The following DAB2IP variants were observed in gnomAD, a reference collection of about 807,000 sequenced individuals.
The protein encoded by DAB2IP is disabled homolog 2-interacting protein.
DAB2IP carries 28 observed loss-of-function variants against 107.2 expected under a neutral mutation model. The ratio of observed to expected loss-of-function variants is 0.26; its 90% CI spans 0.19 to 0.36. The LOEUF (loss-of-function observed/expected upper bound fraction) is 0.36, where lower values mean the gene tolerates loss of function less well. Among genes scored for constraint, DAB2IP ranks in the 10% least tolerant of loss-of-function variants. The probability of loss-of-function intolerance (pLI) is 1.00; values close to 1 mark genes in which losing one functional copy is unlikely to be tolerated. For missense variants in DAB2IP, 1,400 were observed against 1,644.7 expected (o/e 0.85, Z 2.57); for synonymous variants, 755 against 706.4 (o/e 1.07, Z -1.09).
rs1042852327 is a variant in DAB2IP, at chr9:121,640,554, C to A, written c.41-38124C>A. Among the ~76,000 whole-genome samples the A allele has an allele frequency of 5.9e-5, 9 of 152,194 alleles. 1 individual carries two copies. On this transcript the variant is annotated intron_variant, in intron 1 of 16. Coordinates refer to the DAB2IP transcript ENST00000259371. ...GGATTGGGGTGACTTCAGGCCTCCC[C>A]ACCTCCCCCCACACCATGTCCTCTG... is the stretch of plus-strand genomic sequence containing the variant.
chr9:121,774,801 T>C (rs1332193271), intron 13 of DAB2IP, among the ~76,000 whole-genome samples: 1 of 152,040 alleles, frequency 6.6e-6, no homozygotes, highest in Non-Finnish European at 1.5e-5. Context: ...ACTTGGTACC[T>C]GAGGAGGCAG....
At chr9:121,695,392 T>TA in intron 2 of DAB2IP, among the ~76,000 whole-genome samples, 1 of 152,318 alleles carries the variant, frequency 6.6e-6, no homozygotes, top group Non-Finnish European at 1.5e-5. Flanking sequence ...GCTTAATAGT[T>TA]ACTGTCTTTC....
At chr9:121,632,173 C>A (rs74760237) in intron 1 of DAB2IP, among the ~76,000 whole-genome samples, 1 of 152,188 alleles carries the variant, frequency 6.6e-6, no homozygotes, top group Non-Finnish European at 1.5e-5. Context: ...TGCGTGGCCT[C>A]GGGCGTGTTT....
At position 121,701,367 on chromosome 9, in the gene DAB2IP, G is replaced by C. The variant is rs1197582708; in HGVS notation, c.362+1909G>C. 6.6e-6 allele frequency among the ~76,000 whole-genome samples: 1 copy of C among 152,240 alleles called. No homozygotes were observed. The highest frequency in any genetic ancestry group is 1.5e-5 in the Non-Finnish European group (1 of 68,044). ...TGGCCTCAGGTCAGCCTTGCCACAT[G>C]CTGAAGGGGCGCAGAGTGGGGGTTG... On this transcript the variant is annotated intron_variant, in intron 3 of 15. Transcript: ENST00000408936. The surrounding 1 kb of genome is among the most constrained non-coding windows in gnomAD (Gnocchi z 4.7).
At chr9:121,768,834 G>A (rs1412289581) in intron 10 of DAB2IP, among the ~76,000 whole-genome samples, 1 of 152,228 alleles carries the variant, frequency 6.6e-6, no homozygotes, top group Non-Finnish European at 1.5e-5. Flanking sequence ...TATCTGCCAA[G>A]GCTGCCCCAC....
chr9:121,783,465 G>GT (rs1835798664), exon 16 of DAB2IP: 13 of 1,613,392 alleles, frequency 8.1e-6, no homozygotes, highest in African/African-American at 4.0e-5. Flanking sequence ...CTGAGTGATG[G>GT]TTTAAAAAAA....
chr9:121,575,644 C>T (rs1830040378), intron 1 of DAB2IP, among the ~76,000 whole-genome samples: 1 of 152,124 alleles, frequency 6.6e-6, no homozygotes, highest in African/African-American at 2.4e-5. Context: ...GTGGACCCCA[C>T]ACATCAGGCC....
chr9:121,591,121 T>A (rs1208057111), intron 1 of DAB2IP, among the ~76,000 whole-genome samples: 1 of 152,058 alleles, frequency 6.6e-6, no homozygotes, highest in Admixed American at 6.6e-5. Context: ...TATTTGAGGA[T>A]CTGGAAGTTG....
In DAB2IP at chr9:121,635,567, G is replaced by T. The variant is rs147628655; in HGVS notation, c.41-43111G>T. Among the ~76,000 whole-genome samples, 298 of 152,236 alleles carry T rather than the reference G, an allele frequency of 2.0e-3. 2 individuals are homozygous for T. The South Asian group carries it at 0.025, about 13-fold the overall frequency. On this transcript the variant is annotated intron_variant, in intron 1 of 16. Coordinates refer to the DAB2IP transcript ENST00000259371. This position sits in a 1 kb window ranked among gnomAD's most constrained non-coding sequence, Gnocchi z 4.3. ...GCTTTGCTGCCAACATGGCCTGTCTGCAGGGAAGAAGGCCACCTGAGAGAG... is the reference window on the plus strand; with the variant it reads ...GCTTTGCTGCCAACATGGCCTGTCTTCAGGGAAGAAGGCCACCTGAGAGAG...
chr9:121,768,167 G>C (rs139008772), intron 9 of DAB2IP, among the ~76,000 whole-genome samples: 1 of 152,190 alleles, frequency 6.6e-6, no homozygotes, highest in South Asian at 2.1e-4. Flanking sequence ...AGGAAAAGCC[G>C]AAGGACACTG....
intron 1 of DAB2IP, among the ~76,000 whole-genome samples, chr9:121,615,867 C>T (rs909214494): frequency 2.0e-5 from 3 of 152,042 alleles, no homozygotes; most frequent in African/African-American, 7.3e-5. Context: ...CTCAAGTGAT[C>T]CACCTCCCTT....
chr9:121,647,269 G>C (rs1564131942), upstream of DAB2IP, among the ~76,000 whole-genome samples: 1 of 152,220 alleles, frequency 6.6e-6, no homozygotes. Context: ...GTGCTCTTCT[G>C]TTTTGTGCTT....
rs751642612 is a variant in DAB2IP at position 121,776,850 on chromosome 9, G to A, written c.3314+459G>A. 1.3e-5 allele frequency among the ~76,000 whole-genome samples: 2 copies of A among 152,122 alleles called. No homozygotes were observed. Among genetic ancestry groups the A allele is most frequent in the South Asian group, 2.1e-4 (1 of 4,812 alleles). On this transcript the variant is annotated intron_variant, in intron 14 of 15. Transcript: ENST00000408936. The surrounding 1 kb of genome is among the most constrained non-coding windows in gnomAD (Gnocchi z 5.4). ...CTACCAAGAGTGTCTGGGTGTGGGC[G>A]TATCAGGGTACCAGTTACTGAGCTG...
Position 121,772,928 on chromosome 9 carries a change from G to A in DAB2IP, c.2400G>A (p.Val800=). The change falls in exon 12 of 16, where the codon GTG becomes GTA. Residue 800 remains valine, a synonymous_variant. Transcript: ENST00000408936. This position sits in a 1 kb window ranked among gnomAD's most constrained non-coding sequence, Gnocchi z 4.7. ...TGAACCTGGCAGGGCTGGCCACGGT[G>A]CGGCGGGCAGGCCAGACACCAACCA... is the stretch of plus-strand genomic sequence containing the variant. 3 of 1,559,458 alleles carry A rather than the reference G, an allele frequency of 1.9e-6. No individual in the cohort carries two copies. Among genetic ancestry groups the A allele is most frequent in the South Asian group, 1.2e-5 (1 of 82,398 alleles).
intron 2 of DAB2IP, among the ~76,000 whole-genome samples, chr9:121,679,192 A>G (rs1828443629): frequency 6.6e-6 from 1 of 152,200 alleles, no homozygotes; most frequent in Admixed American, 6.5e-5. Flanking sequence ...GGCATACCAT[A>G]ATTTAAATCT....
chr9:121,754,009 C>T (rs1355697494), intron 3 of DAB2IP, among the ~76,000 whole-genome samples: 1 of 152,182 alleles, frequency 6.6e-6, no homozygotes, highest in Non-Finnish European at 1.5e-5. Context: ...GGGGAGAAGC[C>T]TGCCTTGGGT....
At chr9:121,740,133 C>T (rs1832228766) in intron 3 of DAB2IP, among the ~76,000 whole-genome samples, 1 of 152,052 alleles carries the variant, frequency 6.6e-6, no homozygotes, top group Non-Finnish European at 1.5e-5. Context: ...CCCAGCTGGC[C>T]CAGGATGTTG....
At chr9:121,693,869 T>A (rs564752150) in intron 2 of DAB2IP, among the ~76,000 whole-genome samples, 1 of 152,304 alleles carries the variant, frequency 6.6e-6, no homozygotes, top group Admixed American at 6.5e-5. Flanking sequence ...TGCTTCGTAT[T>A]CAGTTGAGAA....
intron 2 of DAB2IP, among the ~76,000 whole-genome samples, chr9:121,686,263 T>C (rs2840322): frequency 0.43 from 64,691 of 152,120 alleles, 14,542 homozygotes; most frequent in African/African-American, 0.56. Flanking sequence ...CCTGGAATCT[T>C]CTGCCTCATC....
Sources: allele counts gnomAD v4.1 joint callset (sites outside exome capture counted in the v4.1 genomes callset), GRCh38; gene constraint gnomAD v4.1.1; non-coding constraint Gnocchi (gnomAD v3.1); transcripts MANE v1.5; gene names NCBI Gene and HGNC (gene_info 2026-07-23, HGNC 2026-07-21).